Variants in CDH13 observed in about 807,000 individuals in gnomAD.
CDH13 encodes cadherin 13.
A neutral mutation model predicts 63.8 loss-of-function variants in CDH13; 24 were observed. The observed-to-expected ratio is 0.38, with a 90% CI of 0.27 to 0.53. CDH13 has a LOEUF of 0.53. Ranked by LOEUF, CDH13 falls within the 20% of genes least tolerant of loss-of-function variation. The probability of loss-of-function intolerance (pLI) is 0.85; values close to 1 mark genes in which losing one functional copy is unlikely to be tolerated. For synonymous variants in CDH13, 503 were observed against 355.3 expected (o/e 1.42, Z -4.67); for missense variants, 1,049 against 903.1 (o/e 1.16, Z -2.07).
intron 6 of CDH13, among the ~76,000 whole-genome samples, chr16:83,346,487 C>T (rs981880594): frequency 6.6e-6 from 1 of 152,200 alleles, no homozygotes. Context: ...ATCTGTGGTA[C>T]TCGGGCCCCA....
intron 2 of CDH13, among the ~76,000 whole-genome samples, chr16:82,920,702 C>T (rs1369634844): frequency 1.3e-5 from 2 of 152,198 alleles, no homozygotes; most frequent in African/African-American, 2.4e-5. Context: ...CTCTCACACA[C>T]TCTCTTTTTT....
chr16:83,361,617 T>C (rs2091163757), intron 6 of CDH13, among the ~76,000 whole-genome samples: 1 of 152,130 alleles, frequency 6.6e-6, no homozygotes, highest in African/African-American at 2.4e-5. Context: ...TATGATGAAA[T>C]GTATGGGTCA....
intron 6 of CDH13, among the ~76,000 whole-genome samples, chr16:83,472,242 G>A (rs189150208): frequency 1.2e-3 from 176 of 152,242 alleles, no homozygotes; most frequent in African/African-American, 4.1e-3. Context: ...CTGAAACTGG[G>A]GACTCTGTCT....
chr16:82,869,780 C>T (rs1174845319), intron 2 of CDH13, among the ~76,000 whole-genome samples: 2 of 152,084 alleles, frequency 1.3e-5, no homozygotes, highest in African/African-American at 2.4e-5. Context: ...TATCCATATG[C>T]AGAAGAATGA....
chr16:83,173,733 T>C (rs2038015036), intron 4 of CDH13, among the ~76,000 whole-genome samples: 4 of 152,106 alleles, frequency 2.6e-5, no homozygotes. Context: ...GATCCCTGCC[T>C]CTCCCAATCT....
intron 1 of CDH13, among the ~76,000 whole-genome samples, chr16:82,761,006 T>TTTCC (rs1392693402): frequency 1.1e-4 from 12 of 113,526 alleles, no homozygotes; most frequent in Non-Finnish European, 7.3e-5. Context: ...GGGGTTCACA[T>TTTCC]TTCTTTCTTT....
chr16:83,361,339 A>G lies in CDH13; in HGVS notation c.781+16333A>G, dbSNP rs1200838891. Among the ~76,000 whole-genome samples, 13 of 152,294 alleles carry G rather than the reference A, an allele frequency of 8.5e-5. No homozygotes were observed. In the East Asian group the frequency reaches 2.5e-3, roughly 29 times the overall value. On this transcript the variant is annotated intron_variant, in intron 6 of 13. Coordinates refer to ENST00000567109, the MANE Select transcript of CDH13 (RefSeq NM_001257.5). ...TATAGATTCCAGATGCTGGACTTCC[A>G]TCAGATGCATAATTTGTGAATATTT...
intron 4 of CDH13, among the ~76,000 whole-genome samples, chr16:83,189,063 T>G (rs1436630632): frequency 6.6e-6 from 1 of 152,234 alleles, no homozygotes; most frequent in African/African-American, 2.4e-5. Flanking sequence ...TTAGCTATGT[T>G]TAACAGAATC....
At chr16:83,182,745 TGG>T (rs1465259708) in intron 4 of CDH13, among the ~76,000 whole-genome samples, 2 of 152,244 alleles carry the variant, frequency 1.3e-5, no homozygotes, top group African/African-American at 4.8e-5. Context: ...GTAACACTAA[TGG>T]GAATGAGCGA....
intron 4 of CDH13, among the ~76,000 whole-genome samples, chr16:83,154,400 C>A (rs1435707372): frequency 6.6e-6 from 1 of 151,632 alleles, no homozygotes; most frequent in Non-Finnish European, 1.5e-5. Context: ...ACTAAAAATA[C>A]AAAAAAATAA....
chr16:83,228,139 C>T (rs748733079), intron 5 of CDH13, among the ~76,000 whole-genome samples: 11 of 152,166 alleles, frequency 7.2e-5, no homozygotes, highest in Admixed American at 5.9e-4. Context: ...CTCTCATGTA[C>T]CCCTGACAGC....
intron 1 of CDH13, among the ~76,000 whole-genome samples, chr16:82,780,679 C>G (rs528617778): frequency 3.3e-5 from 5 of 152,204 alleles, no homozygotes; most frequent in Admixed American, 3.3e-4. Flanking sequence ...TTAGAAATAA[C>G]TTACTAAAAT....
intron 6 of CDH13, among the ~76,000 whole-genome samples, chr16:83,404,635 C>G (rs1416159275): frequency 6.6e-6 from 1 of 152,144 alleles, no homozygotes; most frequent in African/African-American, 2.4e-5. Context: ...ATACACACAC[C>G]AAATATTTCA....
At chr16:82,684,716 C>T (rs1419290976) in intron 1 of CDH13, among the ~76,000 whole-genome samples, 1 of 151,918 alleles carries the variant, frequency 6.6e-6, no homozygotes, top group African/African-American at 2.4e-5. Flanking sequence ...TGATTGAGTG[C>T]TTTGGCATAA....
intron 5 of CDH13, 44 bp downstream of exon 5, chr16:83,217,541 G>C (rs368240081): frequency 1.9e-6 from 3 of 1,578,882 alleles, no homozygotes; most frequent in African/African-American, 1.4e-5. Flanking sequence ...CAGAAATGTG[G>C]CTTTCAAAGA....
chr16:82,816,883 G>A (rs78272992), intron 1 of CDH13, among the ~76,000 whole-genome samples: 8,663 of 151,952 alleles, frequency 0.057, 346 homozygotes, highest in East Asian at 0.17. Flanking sequence ...AGGATACAAC[G>A]AAAGGATAAT....
At chr16:83,364,009 A>C (rs1026619354) in intron 6 of CDH13, among the ~76,000 whole-genome samples, 1 of 152,114 alleles carries the variant, frequency 6.6e-6, no homozygotes, top group Non-Finnish European at 1.5e-5. Context: ...CATTCCCTCC[A>C]CACTCACCCC....
At chr16:82,878,009 TA>T (rs754587911) in intron 2 of CDH13, among the ~76,000 whole-genome samples, 1 of 151,758 alleles carries the variant, frequency 6.6e-6, no homozygotes, top group Non-Finnish European at 1.5e-5. Context: ...CTCATTCTGC[TA>T]AACTAATCGA....
intron 1 of CDH13, among the ~76,000 whole-genome samples, chr16:82,813,108 C>G (rs759288849): frequency 1.3e-4 from 20 of 152,086 alleles, no homozygotes; most frequent in Non-Finnish European, 2.8e-4. Flanking sequence ...TTACAGAAGA[C>G]AAAGTGATTT....
Sources: gnomAD v4.1 joint callset for allele counts (sites outside exome capture counted in the v4.1 genomes callset) on GRCh38, gnomAD v4.1.1 for gene constraint, MANE v1.5 for transcripts, NCBI Gene and HGNC (gene_info 2026-07-23, HGNC 2026-07-21) for gene names.